GNAQ: variants seen among roughly 807,000 people sequenced by gnomAD.
GNAQ encodes the protein guanine nucleotide-binding protein G(q) subunit alpha.
In GNAQ, 8 loss-of-function variants were observed where a neutral mutation model predicts 43.9. The ratio of observed to expected loss-of-function variants is 0.18; its 90% CI spans 0.11 to 0.33. GNAQ has a LOEUF of 0.33. Among genes scored for constraint, GNAQ ranks in the 10% least tolerant of loss-of-function variants. GNAQ has a pLI of 1.00. For synonymous variants in GNAQ, 155 were observed against 170.7 expected (o/e 0.91, Z 0.71); for missense variants, 158 against 450.8 (o/e 0.35, Z 5.88).
At chr9:77,769,600 G>A (rs930932792) in intron 5 of GNAQ, among the ~76,000 whole-genome samples, 9 of 151,526 alleles carry the variant, frequency 5.9e-5, no homozygotes, top group Non-Finnish European at 8.8e-5. Flanking sequence ...AAAAGAAAAC[G>A]AATGCAGACT....
intron 2 of GNAQ, among the ~76,000 whole-genome samples, chr9:77,851,057 A>T (rs1284412447): frequency 1.3e-5 from 2 of 152,190 alleles, no homozygotes; most frequent in Non-Finnish European, 2.9e-5. Flanking sequence ...CCATCCCCAG[A>T]TCTTCACAGG....
chr9:77,799,004 A>G (rs1010143514), intron 3 of GNAQ, among the ~76,000 whole-genome samples: 1 of 152,330 alleles, frequency 6.6e-6, no homozygotes, highest in East Asian at 1.9e-4. Flanking sequence ...TTCTTCATCA[A>G]TGTAATTCTG....
At chr9:77,873,997 C>G (rs577809263) in intron 2 of GNAQ, among the ~76,000 whole-genome samples, 1 of 151,094 alleles carries the variant, frequency 6.6e-6, no homozygotes, top group Non-Finnish European at 1.5e-5. Context: ...CCCAGCTACC[C>G]GGGAGGCTGA....
intron 5 of GNAQ, among the ~76,000 whole-genome samples, chr9:77,792,621 T>C (rs1295810896): frequency 6.6e-6 from 1 of 152,148 alleles, no homozygotes; most frequent in African/African-American, 2.4e-5. Context: ...TCTACTTTCT[T>C]TTCTATTTTG....
intron 6 of GNAQ, among the ~76,000 whole-genome samples, chr9:77,727,058 A>C (rs1314705335): frequency 6.6e-6 from 1 of 151,586 alleles, no homozygotes; most frequent in Non-Finnish European, 1.5e-5. Context: ...CATAAGGGAG[A>C]GATGTGATTA....
chr9:77,955,715 A>G (rs950309250), intron 1 of GNAQ, among the ~76,000 whole-genome samples: 9 of 152,240 alleles, frequency 5.9e-5, no homozygotes, highest in Non-Finnish European at 1.0e-4. Flanking sequence ...GAATTAATCT[A>G]AACTCTTTTG....
intron 6 of GNAQ, among the ~76,000 whole-genome samples, chr9:77,725,328 A>C (rs969107284): frequency 3.0e-4 from 46 of 152,046 alleles, no homozygotes; most frequent in African/African-American, 1.1e-3. Context: ...AATGGCATTC[A>C]TTATGATTAA....
At chr9:77,797,313 G>T (rs1443450548) in intron 4 of GNAQ, among the ~76,000 whole-genome samples, 1 of 152,152 alleles carries the variant, frequency 6.6e-6, no homozygotes, top group Non-Finnish European at 1.5e-5. Context: ...GATAACAGGC[G>T]TGAGCCACCG....
intron 5 of GNAQ, among the ~76,000 whole-genome samples, chr9:77,777,354 A>G (rs1231365618): frequency 6.6e-6 from 1 of 152,096 alleles, no homozygotes; most frequent in African/African-American, 2.4e-5. Flanking sequence ...CTCAAAATGA[A>G]CAATATACTA....
chr9:77,970,957 T>G lies in GNAQ; in HGVS notation c.137-48612A>C, dbSNP rs541204014. Among the ~76,000 whole-genome samples, 3 of 151,966 alleles carry G rather than the reference T, an allele frequency of 2.0e-5. No individual in the cohort carries two copies. The East Asian group carries it at 5.8e-4, about 29-fold the overall frequency. On this transcript the variant is annotated intron_variant, in intron 1 of 6. Transcript: ENST00000286548. ...ATGATAAAGGGGATATCACCACCGA[T>G]CCCACAGAAATACAAACCACCATCA...
At chr9:77,919,199 T>C in intron 2 of GNAQ, among the ~76,000 whole-genome samples, 1 of 152,140 alleles carries the variant, frequency 6.6e-6, no homozygotes, top group Non-Finnish European at 1.5e-5. Flanking sequence ...GGATTACAGG[T>C]ATGAGTCACC....
intron 5 of GNAQ, among the ~76,000 whole-genome samples, chr9:77,775,599 G>A (rs879716114): frequency 1.3e-5 from 2 of 151,400 alleles, no homozygotes; most frequent in African/African-American, 2.4e-5. Flanking sequence ...ATTTTTAGTA[G>A]AGACGGGGTT....
intron 1 of GNAQ, among the ~76,000 whole-genome samples, chr9:77,962,004 C>G (rs1823112204): frequency 1.3e-5 from 2 of 152,044 alleles, no homozygotes; most frequent in South Asian, 4.1e-4. Context: ...CCCAAATGAA[C>G]TTCTGGCAAT....
chr9:77,726,571 AAAGTAATTACTTT>A (rs1293173902), intron 6 of GNAQ, among the ~76,000 whole-genome samples: 1 of 152,230 alleles, frequency 6.6e-6, no homozygotes, highest in East Asian at 1.9e-4. Flanking sequence ...CTTGGTTTTT[AAAGTAATTACTTT>A]TCTGAGGAAG....
chr9:78,000,420 G>GA (rs1823629461), intron 1 of GNAQ, among the ~76,000 whole-genome samples: 1 of 152,154 alleles, frequency 6.6e-6, no homozygotes. Context: ...TACGTCTCAG[G>GA]AAAGACCATG....
chr9:77,953,915 TG>T (rs1166114915), intron 1 of GNAQ, among the ~76,000 whole-genome samples: 2 of 152,178 alleles, frequency 1.3e-5, no homozygotes, highest in African/African-American at 4.8e-5. Flanking sequence ...TCCCCAACAC[TG>T]TTATCTTCCT....
At chr9:77,858,732 C>G (rs1261248209) in intron 2 of GNAQ, among the ~76,000 whole-genome samples, 1 of 151,884 alleles carries the variant, frequency 6.6e-6, no homozygotes, top group Admixed American at 6.6e-5. Context: ...AATCATCTGC[C>G]AGAATTCCAT....
intron 1 of GNAQ, among the ~76,000 whole-genome samples, chr9:77,923,125 C>A (rs1829021859): frequency 6.6e-6 from 1 of 152,070 alleles, no homozygotes; most frequent in Admixed American, 6.6e-5. Flanking sequence ...CAACACCCAG[C>A]CCATTTTCTC....
At chr9:77,773,192 C>A (rs1375842046) in intron 5 of GNAQ, among the ~76,000 whole-genome samples, 1 of 151,686 alleles carries the variant, frequency 6.6e-6, no homozygotes, top group Non-Finnish European at 1.5e-5. Context: ...TAATACTTTT[C>A]CCCATATTTT....
Sources: gnomAD v4.1 joint callset for allele counts (sites outside exome capture counted in the v4.1 genomes callset) on GRCh38, gnomAD v4.1.1 for gene constraint, MANE v1.5 for transcripts, NCBI Gene and HGNC (gene_info 2026-07-23, HGNC 2026-07-21) for gene names.